The following LEKR1 variants were observed in gnomAD, a reference collection of about 807,000 sequenced individuals.
LEKR1 encodes the protein protein LEKR1.
LEKR1 carries 59 observed loss-of-function variants against 72.4 expected under a neutral mutation model. That is an observed-to-expected ratio of 0.82 (90% confidence interval 0.66 to 1.01). The LOEUF (loss-of-function observed/expected upper bound fraction) is 1.01, where lower values mean the gene tolerates loss of function less well. LEKR1 is among the 50% of genes least tolerant of loss of function. LEKR1 has a pLI of 0.00. For missense variants in LEKR1, 728 were observed against 759.2 expected, an observed-to-expected ratio of 0.96 and a Z score of 0.48; for synonymous variants, 257 against 263.2, an observed-to-expected ratio of 0.98 and a Z score of 0.23.
chr3:156,848,157 T>G (rs545168448), intron 2 of LEKR1, among the ~76,000 whole-genome samples: 3 of 152,276 alleles, frequency 2.0e-5, no homozygotes, highest in African/African-American at 7.2e-5. Context: ...GGGCAAAAAT[T>G]TTAAGAAAAT....
intron 5 of LEKR1, among the ~76,000 whole-genome samples, chr3:156,935,769 G>A (rs1725639764): frequency 6.6e-6 from 1 of 152,102 alleles, no homozygotes; most frequent in African/African-American, 2.4e-5. Flanking sequence ...TGTGGATATA[G>A]CCTTTTGTTG....
chr3:156,856,209 T>C (rs78384123), intron 3 of LEKR1, among the ~76,000 whole-genome samples: 1 of 152,188 alleles, frequency 6.6e-6, no homozygotes, highest in East Asian at 1.9e-4. Context: ...TGGCCCAATA[T>C]CACTTATTAA....
At chr3:156,966,972 A>G (rs1257271382) in intron 6 of LEKR1, among the ~76,000 whole-genome samples, 1 of 152,160 alleles carries the variant, frequency 6.6e-6, no homozygotes, top group Non-Finnish European at 1.5e-5. Flanking sequence ...CTGCCCACAA[A>G]TATATGCTGT....
At chr3:156,892,670 C>T (rs906117983) in intron 3 of LEKR1, among the ~76,000 whole-genome samples, 4 of 152,214 alleles carry the variant, frequency 2.6e-5, no homozygotes, top group Non-Finnish European at 5.9e-5. Flanking sequence ...ATAACTCATT[C>T]TTTACCATTC....
At chr3:156,899,616 A>G (rs1404024514) in intron 3 of LEKR1, among the ~76,000 whole-genome samples, 4 of 93,882 alleles carry the variant, frequency 4.3e-5, no homozygotes, top group Non-Finnish European at 4.2e-5. Context: ...ATATACACAC[A>G]TATATACACA....
rs184735316 is a variant in LEKR1 at position 156,906,487 on chromosome 3, T to C, written c.264-14088T>C. Among the ~76,000 whole-genome samples the C allele has an allele frequency of 5.6e-3, 848 of 152,312 alleles. 2 individuals are homozygous for C. Among genetic ancestry groups the C allele is most frequent in the Admixed American group, 0.013 (199 of 15,278 alleles). On this transcript the variant is annotated intron_variant, in intron 3 of 12. Transcript: ENST00000356539. ...ACCCACTATTTTCAGGAACACCCTC[T>C]GAGTAGACAACATTATGTCCTTACA...
intron 7 of LEKR1, among the ~76,000 whole-genome samples, chr3:156,991,516 T>G (rs1186883853): frequency 6.6e-6 from 1 of 152,128 alleles, no homozygotes; most frequent in African/African-American, 2.4e-5. Context: ...TTTGAGATAT[T>G]TTCAGATTAT....
intron 3 of LEKR1, among the ~76,000 whole-genome samples, chr3:156,912,591 C>T (rs1462022247): frequency 6.6e-6 from 1 of 152,216 alleles, no homozygotes; most frequent in African/African-American, 2.4e-5. Context: ...GGCTACTGCA[C>T]ACTTCCCACT....
intron 12 of LEKR1, among the ~76,000 whole-genome samples, chr3:157,042,587 A>G (rs1411167442): frequency 1.3e-5 from 2 of 152,184 alleles, no homozygotes; most frequent in Admixed American, 1.3e-4. Flanking sequence ...CTTGCCTGAA[A>G]TAGCTTTTAT....
chr3:156,961,661 G>A (rs2107984139), intron 6 of LEKR1, among the ~76,000 whole-genome samples: 1 of 152,306 alleles, frequency 6.6e-6, no homozygotes, highest in South Asian at 2.1e-4. Flanking sequence ...CAAAATGAGT[G>A]ATGTGGTTCA....
At chr3:156,973,486 G>A (rs924689765) in intron 6 of LEKR1, among the ~76,000 whole-genome samples, 14 of 152,134 alleles carry the variant, frequency 9.2e-5, no homozygotes, top group Non-Finnish European at 1.9e-4. Flanking sequence ...CCAGCATTTA[G>A]AGTGAATCTA....
chr3:156,947,550 A>G lies in LEKR1; in HGVS notation c.745+4836A>G, dbSNP rs576481725. ...CCACCTTACCATGATTCAACTTACA[A>G]ATTTTTGACTTTACTGTGGCATTAA... On this transcript the variant is annotated intron_variant, in intron 6 of 12. Coordinates refer to ENST00000356539, the MANE Select transcript of LEKR1 (RefSeq NM_001004316.3). Among the ~76,000 whole-genome samples the G allele has an allele frequency of 1.6e-3, 236 of 151,224 alleles. 3 individuals are homozygous for G. Among genetic ancestry groups the G allele is most frequent in the African/African-American group, 5.6e-3 (231 of 41,442 alleles).
At chr3:156,851,946 T>C (rs1167118105) in intron 2 of LEKR1, among the ~76,000 whole-genome samples, 1 of 152,198 alleles carries the variant, frequency 6.6e-6, no homozygotes, top group South Asian at 2.1e-4. Context: ...ATCTCCCTTC[T>C]GACTTGGCTA....
chr3:156,947,902 T>C (rs1726824891), intron 6 of LEKR1, among the ~76,000 whole-genome samples: 1 of 151,162 alleles, frequency 6.6e-6, no homozygotes, highest in Non-Finnish European at 1.5e-5. Flanking sequence ...TTTAATATAA[T>C]TTTATTTACC....
intron 6 of LEKR1, among the ~76,000 whole-genome samples, chr3:156,964,555 G>A (rs1728396500): frequency 2.0e-5 from 3 of 152,042 alleles, no homozygotes; most frequent in Non-Finnish European, 4.4e-5. Flanking sequence ...TAATTCTTAA[G>A]AGTGCAGTTA....
At chr3:156,918,021 G>A (rs59899313) in intron 3 of LEKR1, among the ~76,000 whole-genome samples, 3,767 of 152,124 alleles carry the variant, frequency 0.025, 142 homozygotes, top group East Asian at 0.16. Flanking sequence ...TGGAAGAAGA[G>A]TAAATGATGG....
At position 156,942,700 on chromosome 3, in the gene LEKR1, A is replaced by T; in HGVS notation, c.731A>T (p.Gln244Leu). 8.0e-7 allele frequency: 1 copy of T among 1,252,522 alleles called. No individual in the cohort carries two copies. The highest frequency in any genetic ancestry group is 1.0e-6 in the Non-Finnish European group (1 of 975,488). 77.6% of individuals were successfully genotyped at this position (1,252,522 alleles called of 1,614,324 possible). Residue 244 changes from glutamine to leucine, a missense_variant, in exon 6 of 13, where the codon CAA (glutamine) becomes CTA (leucine). By Grantham distance (113) the Gln-to-Leu change is moderately radical. Transcript: ENST00000356539. ...TTGCAAACCAGATGCTATGATTTGCAAAAAGAAGTACTAGGTAAAGAAAAG... is the reference window on the plus strand; with the variant it reads ...TTGCAAACCAGATGCTATGATTTGCTAAAAGAAGTACTAGGTAAAGAAAAG... Reference protein sequence around the residue: ...VNLQTRCYDLQKEVLDLQCLV... With the variant: ...VNLQTRCYDLLKEVLDLQCLV...
intron 9 of LEKR1, among the ~76,000 whole-genome samples, chr3:156,998,761 G>A: frequency 6.6e-6 from 1 of 152,054 alleles, no homozygotes; most frequent in East Asian, 1.9e-4. Flanking sequence ...TTAAGCTACA[G>A]GGAAGGGTTT....
At chr3:156,894,162 A>G (rs910633931) in intron 3 of LEKR1, among the ~76,000 whole-genome samples, 3 of 152,214 alleles carry the variant, frequency 2.0e-5, no homozygotes, top group African/African-American at 4.8e-5. Context: ...CTCTGGACAG[A>G]TAAAGCCTCT....
Sources: allele counts gnomAD v4.1 joint callset (sites outside exome capture counted in the v4.1 genomes callset), GRCh38; gene constraint gnomAD v4.1.1; transcripts MANE v1.5; gene names NCBI Gene and HGNC (gene_info 2026-07-23, HGNC 2026-07-21).